Variants in EPHA3 observed in about 807,000 individuals in gnomAD.
EPHA3 encodes the protein ephrin type-A receptor 3.
EPHA3 carries 42 observed loss-of-function variants against 107.1 expected under a neutral mutation model. That is an observed-to-expected ratio of 0.39 (90% CI 0.31 to 0.51). The LOEUF (loss-of-function observed/expected upper bound fraction) is 0.51. Among genes scored for constraint, EPHA3 ranks in the 20% least tolerant of loss-of-function variants. The pLI is 0.78. For missense variants in EPHA3, 1,183 were observed against 1,211.2 expected (o/e 0.98, Z 0.35); for synonymous variants, 461 against 424.8 (o/e 1.09, Z -1.05).
At chr3:89,371,518 G>C (rs1439049125) in intron 5 of EPHA3, among the ~76,000 whole-genome samples, 7 of 151,658 alleles carry the variant, frequency 4.6e-5, no homozygotes, top group African/African-American at 1.7e-4. Context: ...GTGTGGGCTG[G>C]TTTATTTGTA....
chr3:89,160,575 TGTGTGTGTGTGTGTGC>T lies in EPHA3; in HGVS notation c.153+33304_153+33319del, dbSNP rs1432662388. 2.8e-3 allele frequency among the ~76,000 whole-genome samples: 394 copies of T among 140,990 alleles called. 2 individuals are homozygous for T. The highest frequency in any genetic ancestry group is 8.9e-3 in the African/African-American group (356 of 39,884). 92.5% of individuals were successfully genotyped at this position (140,990 alleles called of 152,430 possible). A position where few individuals can be genotyped will look rare whatever the true frequency, so the allele number is the denominator to read the frequency against. Reference sequence around the variant, plus strand: ...GTGTGTGTGTGTGTGTGTGTGTGTGTGTGTGTGTGTGTGTGCGCGCATTCTTTTTCTGTGTGTATTT... The same window carrying T: ...GTGTGTGTGTGTGTGTGTGTGTGTGTGCGCATTCTTTTTCTGTGTGTATTT... On this transcript the variant is annotated intron_variant, in intron 2 of 16. Transcript: ENST00000336596.
chr3:89,399,732 T>A (rs1402803728), intron 7 of EPHA3: 11 of 1,204,436 alleles, frequency 9.1e-6, no homozygotes, highest in African/African-American at 1.6e-5. Flanking sequence ...TTCTGTTTTT[T>A]TTTTTTAGCC....
intron 3 of EPHA3, 82 bp from the exon 4 acceptor site, chr3:89,340,834 T>A: frequency 7.6e-7 from 1 of 1,312,348 alleles, no homozygotes; most frequent in Non-Finnish European, 1.0e-6. Context: ...AATAAATTCA[T>A]ATTCGAACTT....
chr3:89,413,871 A>G (rs1054579436), intron 10 of EPHA3, among the ~76,000 whole-genome samples: 3 of 151,736 alleles, frequency 2.0e-5, no homozygotes, highest in African/African-American at 7.2e-5. Flanking sequence ...TAAGTGGTTA[A>G]TAACAGTTGC....
At chr3:89,178,543 C>T (rs1248734598) in intron 2 of EPHA3, among the ~76,000 whole-genome samples, 1 of 151,800 alleles carries the variant, frequency 6.6e-6, no homozygotes, top group Non-Finnish European at 1.5e-5. Context: ...CCTGTGAATC[C>T]ATTATTTATT....
chr3:89,356,825 G>T (rs1707968905), intron 5 of EPHA3, among the ~76,000 whole-genome samples: 1 of 150,692 alleles, frequency 6.6e-6, no homozygotes, highest in African/African-American at 2.4e-5. Flanking sequence ...CATAAAATAA[G>T]AAATTGATAA....
rs531534203 is a variant in EPHA3, at chr3:89,373,620, A to G, written c.1307-22217A>G. The stretch of plus-strand genomic sequence containing the variant: ...GAAGTCTGCTAGTCAGTGGGAAACC[A>G]GGATATCATCACCCTGCTGTGAATG... On this transcript the variant is annotated intron_variant, in intron 5 of 16. Coordinates refer to ENST00000336596, the MANE Select transcript of EPHA3 (RefSeq NM_005233.6). Among the ~76,000 whole-genome samples, 3 of 151,906 alleles carry G rather than the reference A, an allele frequency of 2.0e-5. No homozygotes were observed. The South Asian group carries it at 6.2e-4, about 31-fold the overall frequency.
intron 7 of EPHA3, among the ~76,000 whole-genome samples, chr3:89,403,908 A>G (rs1709008244): frequency 6.6e-6 from 1 of 152,178 alleles, no homozygotes; most frequent in Non-Finnish European, 1.5e-5. Flanking sequence ...CTCATATAGT[A>G]GGTACTCACT....
chr3:89,454,790 G>C (rs899839597), intron 15 of EPHA3, among the ~76,000 whole-genome samples: 1 of 152,114 alleles, frequency 6.6e-6, no homozygotes, highest in Non-Finnish European at 1.5e-5. Context: ...CCAGGAGTTG[G>C]AGACCAGTTT....
intron 15 of EPHA3, among the ~76,000 whole-genome samples, chr3:89,468,365 A>G (rs1427547696): frequency 1.3e-5 from 2 of 152,196 alleles, no homozygotes; most frequent in East Asian, 3.9e-4. Context: ...TGTTTATACT[A>G]ATTTTCTCTA....
At chr3:89,369,575 C>T (rs1436106266) in intron 5 of EPHA3, among the ~76,000 whole-genome samples, 1 of 149,882 alleles carries the variant, frequency 6.7e-6, no homozygotes, top group African/African-American at 2.5e-5. Context: ...CTAGGCATTA[C>T]CATTCAGGAC....
intron 16 of EPHA3, among the ~76,000 whole-genome samples, chr3:89,474,677 G>A (rs1483409110): frequency 1.3e-5 from 2 of 152,128 alleles, no homozygotes; most frequent in Non-Finnish European, 1.5e-5. Flanking sequence ...AAGATTAACT[G>A]CTAGTTTGCA....
intron 3 of EPHA3, among the ~76,000 whole-genome samples, chr3:89,310,056 A>G (rs1706727393): frequency 6.6e-6 from 1 of 152,016 alleles, no homozygotes; most frequent in African/African-American, 2.4e-5. Flanking sequence ...TGAGCTCCAC[A>G]TGCCTTTAAA....
intron 6 of EPHA3, among the ~76,000 whole-genome samples, chr3:89,398,986 T>A (rs1227982203): frequency 1.3e-5 from 2 of 151,966 alleles, no homozygotes; most frequent in South Asian, 4.2e-4. Context: ...AAAAATTACC[T>A]GGGAGTGATG....
rs559890511 is a variant in EPHA3 at position 89,410,081 on chromosome 3, G to C, written c.1762+1950G>C. On this transcript the variant is annotated intron_variant, in intron 9 of 16. Coordinates refer to ENST00000336596, the MANE Select transcript of EPHA3 (RefSeq NM_005233.6). The stretch of plus-strand genomic sequence containing the variant: ...CGCAGCCTGAATCACCTGATTCCTG[G>C]AATCTCTGGGGTCAGCAGTTAAAGA... Among the ~76,000 whole-genome samples the C allele has an allele frequency of 5.9e-5, 9 of 152,076 alleles. No individual in the cohort carries two copies. The East Asian group carries it at 1.6e-3, about 26-fold the overall frequency.
intron 10 of EPHA3, among the ~76,000 whole-genome samples, chr3:89,417,413 C>T (rs545910591): frequency 6.6e-6 from 1 of 151,516 alleles, no homozygotes; most frequent in East Asian, 2.0e-4. Flanking sequence ...CTCTATTATA[C>T]CATGTTGATG....
At chr3:89,151,585 G>T (rs1289836986) in intron 2 of EPHA3, among the ~76,000 whole-genome samples, 1 of 152,080 alleles carries the variant, frequency 6.6e-6, no homozygotes, top group African/African-American at 2.4e-5. Context: ...CACAGCACGT[G>T]CCAGCTGCCT....
Position 89,438,068 on chromosome 3 carries a change from A to C in EPHA3, c.2346+6709A>C, listed in dbSNP as rs1709708175. The stretch of plus-strand genomic sequence containing the variant: ...TATTGATGCCAGATATATTCTATAC[A>C]ACTTTGTTTTGTTTGATTTCATTTT... On this transcript the variant is annotated intron_variant, in intron 13 of 16. Transcript: ENST00000336596. Among the ~76,000 whole-genome samples the C allele has an allele frequency of 2.0e-5, 3 of 151,968 alleles. No homozygotes were observed. In the South Asian group the frequency reaches 6.2e-4, roughly 31 times the overall value.
chr3:89,263,499 C>T (rs1427863126), intron 3 of EPHA3, among the ~76,000 whole-genome samples: 1 of 152,172 alleles, frequency 6.6e-6, no homozygotes, highest in East Asian at 1.9e-4. Flanking sequence ...TTATCGCTGG[C>T]GAAAGTGGCT....
Sources: allele counts gnomAD v4.1 joint callset (sites outside exome capture counted in the v4.1 genomes callset), GRCh38; gene constraint gnomAD v4.1.1; transcripts MANE v1.5; gene names NCBI Gene and HGNC (gene_info 2026-07-23, HGNC 2026-07-21).